CR2: variants seen among roughly 807,000 people sequenced by gnomAD.
The protein encoded by CR2 is complement receptor type 2.
CR2 carries 96 observed loss-of-function variants against 123.0 expected under a neutral mutation model. The ratio of observed to expected loss-of-function variants is 0.78; its 90% CI spans 0.66 to 0.93. The LOEUF is 0.93. Ranked by LOEUF, CR2 falls within the 40% of genes least tolerant of loss-of-function variation. The probability of loss-of-function intolerance (pLI) is 0.00; values close to 1 mark genes in which losing one functional copy is unlikely to be tolerated. For missense variants in CR2, 1,258 were observed against 1,361.0 expected, an observed-to-expected ratio of 0.92 and a Z score of 1.19; for synonymous variants, 484 against 469.5, an observed-to-expected ratio of 1.03 and a Z score of -0.40.
At chr1:207,479,509 T>G (rs944432819) in intron 17 of CR2, among the ~76,000 whole-genome samples, 1 of 152,230 alleles carries the variant, frequency 6.6e-6, no homozygotes, top group African/African-American at 2.4e-5. Flanking sequence ...TAAATTGATA[T>G]TTTAGTTTTT....
chr1:207,469,661 A>C (rs1254467228), intron 5 of CR2, 34 bp from the exon 6 acceptor site: 1 of 1,601,470 alleles, frequency 6.2e-7, no homozygotes, highest in South Asian at 1.1e-5. Context: ...CAATACACCT[A>C]TGATCTTGTC....
In CR2 at chr1:207,476,214, CT is replaced by C. The variant is rs1658433141; in HGVS notation, c.2717-17del. 6.2e-7 allele frequency: 1 copy of C among 1,612,206 alleles called. No individual in the cohort carries two copies. The highest frequency in any genetic ancestry group is 1.7e-5 in the Admixed American group (1 of 59,948). On this transcript the variant is annotated intron_variant, in intron 14 of 19. Transcript: ENST00000367057. ...GTTCCTCTGTGCTGAGTTAAAGACC[CT>C]TTCTTATTGGTGTCTAAGCCTTCAT... is the stretch of plus-strand genomic sequence containing the variant.
intron 1 of CR2, among the ~76,000 whole-genome samples, chr1:207,463,809 A>T (rs1168829777): frequency 6.6e-6 from 1 of 152,148 alleles, no homozygotes; most frequent in African/African-American, 2.4e-5. Flanking sequence ...TGGGATAATG[A>T]CATGCCTTTT....
chr1:207,459,610 C>T (rs181249961), intron 1 of CR2, among the ~76,000 whole-genome samples: 16 of 152,264 alleles, frequency 1.1e-4, no homozygotes, highest in Admixed American at 5.2e-4. Flanking sequence ...TCATTTAACT[C>T]AGAAACTGCT....
intron 19 of CR2, among the ~76,000 whole-genome samples, chr1:207,486,700 A>G (rs1001372917): frequency 6.6e-6 from 1 of 152,240 alleles, no homozygotes; most frequent in African/African-American, 2.4e-5. Flanking sequence ...TTCTGCATGC[A>G]ATTTTAAGAC....
Position 207,466,653 on chromosome 1 carries a change from T to C in CR2, c.186T>C (p.Ser62=), listed in dbSNP as rs1658108186. 6.2e-7 allele frequency: 1 copy of C among 1,613,984 alleles called. No homozygotes were observed. The highest frequency in any genetic ancestry group is 1.3e-5 in the African/African-American group (1 of 74,904). The stretch of plus-strand genomic sequence containing the variant: ...CCTTCCGCCTCATTGGAGAAAAAAG[T>C]CTATTATGCATAACTAAAGACAAAG... ...SGTFRLIGEK[S]LLCITKDKVD... The change falls in exon 2 of 20, where the codon AGT becomes AGC. Residue 62 remains serine (S), a synonymous_variant. Transcript: ENST00000367057.
intron 4 of CR2, 99 bp from the exon 5 acceptor site, chr1:207,469,051 A>G: frequency 1.5e-6 from 2 of 1,331,686 alleles, no homozygotes; most frequent in Non-Finnish European, 2.2e-6. Flanking sequence ...GAACAGATGC[A>G]CACTGATTGA....
intron 19 of CR2, among the ~76,000 whole-genome samples, chr1:207,487,128 A>T (rs1476362395): frequency 6.6e-6 from 1 of 152,208 alleles, no homozygotes; most frequent in Non-Finnish European, 1.5e-5. Context: ...ACCCACTAAG[A>T]AGTGAAGGAG....
chr1:207,471,349 G>A, intron 8 of CR2, 74 bp from the exon 9 acceptor site: 2 of 1,178,576 alleles, frequency 1.7e-6, no homozygotes, highest in Non-Finnish European at 2.6e-6. Context: ...TAGTGAGTCT[G>A]CTTGGGAGCC....
intron 2 of CR2, 104 bp from the exon 3 acceptor site, chr1:207,468,423 T>C (rs764104861): frequency 2.6e-6 from 3 of 1,142,714 alleles, no homozygotes; most frequent in Non-Finnish European, 3.9e-6. Context: ...ATTTTTCTTC[T>C]TCCAATGTTG....
chr1:207,466,699 CCTG>C lies in CR2; in HGVS notation c.235_237del (p.Ala79del). ...CAAAGTGGATGGAACCTGGGATAAA[CCTG>C]CTCCTAAATGTGAATATTTCAATAA... is the stretch of plus-strand genomic sequence containing the variant. On this transcript the variant is annotated inframe_deletion, in exon 2 of 20. Transcript: ENST00000367057. The C allele has an allele frequency of 6.2e-7, 1 of 1,614,092 alleles. No homozygotes were observed. Among genetic ancestry groups the C allele is most frequent in the Non-Finnish European group, 8.5e-7 (1 of 1,179,982 alleles).
At chr1:207,478,758 G>A (rs1435016075) in intron 16 of CR2, among the ~76,000 whole-genome samples, 2 of 151,856 alleles carry the variant, frequency 1.3e-5, no homozygotes, top group Non-Finnish European at 2.9e-5. Context: ...ATTTGACAGG[G>A]AACTCCAGAA....
chr1:207,473,181 T>A lies in CR2; in HGVS notation c.1978+2T>A, dbSNP rs769891017. On this transcript the variant is annotated splice_donor_variant, in intron 10 of 19. Coordinates refer to ENST00000367057, the MANE Select transcript of CR2 (RefSeq NM_001006658.3). LOFTEE classifies it high-confidence loss of function. ...CTGAAATACCAGTTTGTGAAAAAGG[T>A]AAAAACCCAATAAGGGGGAAAAAAG... is the stretch of plus-strand genomic sequence containing the variant. 2 of 1,613,574 alleles carry A rather than the reference T, an allele frequency of 1.2e-6. No homozygotes were observed. The highest frequency in any genetic ancestry group is 2.2e-5 in the South Asian group (2 of 91,026).
chr1:207,471,611 T>C (rs750958324), intron 9 of CR2, 112 bp downstream of exon 9: 7 of 796,122 alleles, frequency 8.8e-6, no homozygotes, highest in Non-Finnish European at 1.6e-5. Context: ...TTCTGTTCTA[T>C]TGATTCTGCC....
rs187391235 is a variant in CR2 at position 207,478,141 on chromosome 1, C to T, written c.3088+71C>T. ...AGAAGAGAGTGAGAGTTTCCCTCAGCGTGGAGAGTCCTGGGTTTTAAATTG... is the reference window on the plus strand; with the variant it reads ...AGAAGAGAGTGAGAGTTTCCCTCAGTGTGGAGAGTCCTGGGTTTTAAATTG... On this transcript the variant is annotated intron_variant, in intron 16 of 19. Coordinates refer to ENST00000367057, the MANE Select transcript of CR2 (RefSeq NM_001006658.3). 1.8e-3 allele frequency: 2,650 copies of T among 1,478,608 alleles called. 25 individuals carry two copies. The highest frequency in any genetic ancestry group is 0.01 in the South Asian group (872 of 83,908). The allele number at this position is 1,478,608 out of a possible 1,614,324, so 91.6% of individuals were successfully genotyped here.
chr1:207,469,709 T>A lies in CR2; in HGVS notation c.832T>A (p.Ser278Thr). The change falls in exon 6 of 20, where the codon TCA (serine) becomes ACA (threonine). Residue 278 changes from serine to threonine, a missense_variant. Ser to Thr is a moderately conservative substitution (Grantham distance 58, BLOSUM62 1). Transcript: ENST00000367057. ...AATTCCCCTAGAAATTTTTTGCCCA[T>A]CACCTCCCCCTATTCTCAATGGAAG... is the stretch of plus-strand genomic sequence containing the variant. ...MPVCEEIFCP[S>T]PPPILNGRHI... 1 of 1,613,830 alleles carries A rather than the reference T, an allele frequency of 6.2e-7. No individual in the cohort carries two copies. Among genetic ancestry groups the A allele is most frequent in the Non-Finnish European group, 8.5e-7 (1 of 1,179,838 alleles).
At chr1:207,472,318 T>G (rs1658304867) in intron 9 of CR2, among the ~76,000 whole-genome samples, 1 of 152,094 alleles carries the variant, frequency 6.6e-6, no homozygotes, top group East Asian at 1.9e-4. Flanking sequence ...TCAAATTAAA[T>G]TGTACTATTG....
At chr1:207,466,994 C>A (rs1658120034) in intron 2 of CR2, 82 bp downstream of exon 2, 1 of 1,457,242 alleles carries the variant, frequency 6.9e-7, no homozygotes, top group Non-Finnish European at 9.2e-7. Context: ...TCCTGAAGGA[C>A]AAACAGTGTG....
rs1180344724 is a variant in CR2, at chr1:207,478,049, C to A, written c.3067C>A (p.Pro1023Thr). The change falls in exon 16 of 20, where the codon CCC becomes ACC. Residue 1023 changes from proline to threonine, a missense_variant. Transcript: ENST00000367057. ...CCAATCGGATCACCAATGGAACCCT[C>A]CCCTGGCGGTTTGCAGATCCCGTAA... ...QCQSDHQWNP[P>T]LAVCRSRSLA... The A allele has an allele frequency of 6.2e-7, 1 of 1,613,920 alleles. No individual in the cohort carries two copies. Among genetic ancestry groups the A allele is most frequent in the Non-Finnish European group, 8.5e-7 (1 of 1,179,928 alleles).
Sources: allele counts gnomAD v4.1 joint callset (sites outside exome capture counted in the v4.1 genomes callset), GRCh38; gene constraint gnomAD v4.1.1; transcripts MANE v1.5; gene names NCBI Gene and HGNC (gene_info 2026-07-23, HGNC 2026-07-21).